RBMS2: variants seen among roughly 807,000 people sequenced by gnomAD.
The protein encoded by RBMS2 is RNA binding motif single stranded interacting protein 2, also known as RNA-binding motif, single-stranded-interacting protein 2.
Under a neutral mutation model 58.4 loss-of-function variants are expected in RBMS2, and 38 were observed. The ratio of observed to expected loss-of-function variants is 0.65; its 90% CI spans 0.50 to 0.85. The LOEUF is 0.85. Ranked by LOEUF, RBMS2 falls within the 40% of genes least tolerant of loss-of-function variation. RBMS2 has a pLI of 0.00. For synonymous variants in RBMS2, 151 were observed against 180.7 expected (o/e 0.84, Z 1.32); for missense variants, 367 against 503.7 (o/e 0.73, Z 2.60).
chr12:56,581,886 T>G lies in RBMS2; in HGVS notation c.779+7T>G. ...CCACAGCTCTTCAGAATGGGTAAGG[T>G]TTTATATAATCAAGCCACCTGAAAA... On this transcript the variant is annotated splice_region_variant and intron_variant, in intron 8 of 13. Coordinates refer to ENST00000262031, the MANE Select transcript of RBMS2 (RefSeq NM_002898.4). 2 of 1,613,800 alleles carry G rather than the reference T, an allele frequency of 1.2e-6. No individual in the cohort carries two copies. The highest frequency in any genetic ancestry group is 1.7e-6 in the Non-Finnish European group (2 of 1,179,736).
intron 1 of RBMS2, among the ~76,000 whole-genome samples, chr12:56,545,867 T>C (rs940326770): frequency 6.6e-6 from 1 of 152,156 alleles, no homozygotes; most frequent in African/African-American, 2.4e-5. Context: ...CTTTGGGCTA[T>C]TATGAATAGT....
chr12:56,521,502 G>GTTTTTTTTTTTTT (rs68129205), upstream of RBMS2, among the ~76,000 whole-genome samples: 115 of 73,156 alleles, frequency 1.6e-3, 10 homozygotes, highest in South Asian at 2.2e-3. Flanking sequence ...CTCTAACTCT[G>GTTTTTTTTTTTTT]TTTTTTTTTT....
upstream of RBMS2, among the ~76,000 whole-genome samples, chr12:56,521,500 C>CTTTTTTTTTTTT (rs1871713749): frequency 1.1e-5 from 1 of 92,472 alleles, no homozygotes; most frequent in Non-Finnish European, 2.1e-5. Context: ...CACTCTAACT[C>CTTTTTTTTTTTT]TGTTTTTTTT....
At chr12:56,525,683 A>G (rs1485939025) in intron 1 of RBMS2, among the ~76,000 whole-genome samples, 9 of 151,402 alleles carry the variant, frequency 5.9e-5, no homozygotes, top group Admixed American at 5.3e-4. Flanking sequence ...TGTTTTCGAG[A>G]CAGAGTCTCG....
chr12:56,569,854 C>T, intron 3 of RBMS2, 45 bp from the exon 4 acceptor site: 1 of 1,511,972 alleles, frequency 6.6e-7, no homozygotes, highest in South Asian at 1.1e-5. Context: ...CCTCTCTGTT[C>T]CTTACACCTC....
rs558748956 is a variant in RBMS2, at chr12:56,528,306, G to A, written c.66+6217G>A. 2.6e-5 allele frequency among the ~76,000 whole-genome samples: 4 copies of A among 152,014 alleles called. No homozygotes were observed. The East Asian group carries it at 7.7e-4, about 29-fold the overall frequency. The stretch of plus-strand genomic sequence containing the variant: ...ATAAAATTATAATGCTGGAAGATGA[G>A]GATTGAAGAATAGTCTTTGAATTTG... On this transcript the variant is annotated intron_variant, in intron 1 of 13. Transcript: ENST00000262031.
chr12:56,540,960 G>A (rs553894895), intron 1 of RBMS2, among the ~76,000 whole-genome samples: 8 of 152,228 alleles, frequency 5.3e-5, no homozygotes, highest in African/African-American at 1.9e-4. Flanking sequence ...TATTAGCCAG[G>A]TGTGGTAGCA....
At chr12:56,525,124 C>CAAGTAGGGCTTACTGTGT (rs2136227804) in intron 1 of RBMS2, among the ~76,000 whole-genome samples, 1 of 152,144 alleles carries the variant, frequency 6.6e-6, no homozygotes, top group African/African-American at 2.4e-5. Context: ...TTTGTCTTGT[C>CAAGTAGGGCTTACTGTGT]AAGTAGGGCT....
intron 12 of RBMS2, 37 bp from the exon 13 acceptor site, chr12:56,588,895 A>C: frequency 1.7e-5 from 26 of 1,572,226 alleles, no homozygotes; most frequent in East Asian, 2.2e-5. Context: ...GAGGAAAGGA[A>C]TGCGCAAGAT....
At position 56,581,749 on chromosome 12, in the gene RBMS2, A is replaced by C. The variant is rs572010262; in HGVS notation, c.733-84A>C. ...CTAGGCTTTAATTTGTTAAACCAAA[A>C]CATTCCCAGCCTTGGACATTCTGGG... On this transcript the variant is annotated intron_variant, in intron 7 of 13. Coordinates refer to ENST00000262031, the MANE Select transcript of RBMS2 (RefSeq NM_002898.4). 5 of 1,507,764 alleles carry C rather than the reference A, an allele frequency of 3.3e-6. No individual in the cohort carries two copies. In the Admixed American group the frequency reaches 9.1e-5, roughly 27 times the overall value. The allele number at this position is 1,507,764 out of a possible 1,614,324, so 93.4% of individuals were successfully genotyped here.
chr12:56,587,203 G>A (rs945374610), intron 10 of RBMS2, among the ~76,000 whole-genome samples: 1 of 151,808 alleles, frequency 6.6e-6, no homozygotes, highest in Non-Finnish European at 1.5e-5. Flanking sequence ...GGAGGCAGAG[G>A]TTGCAGTGAG....
At chr12:56,528,554 T>C (rs1182474830) in intron 1 of RBMS2, among the ~76,000 whole-genome samples, 1 of 152,120 alleles carries the variant, frequency 6.6e-6, no homozygotes, top group East Asian at 1.9e-4. Flanking sequence ...GGCAAGATGC[T>C]TAACATCATT....
At chr12:56,581,535 G>A in intron 7 of RBMS2, 27 bp downstream of exon 7, 1 of 1,584,914 alleles carries the variant, frequency 6.3e-7, no homozygotes, top group Non-Finnish European at 8.7e-7. Context: ...GGAGACAGGA[G>A]TACTAACGAC....
intron 1 of RBMS2, among the ~76,000 whole-genome samples, chr12:56,560,349 C>T (rs983936249): frequency 8.4e-4 from 128 of 151,930 alleles, no homozygotes; most frequent in African/African-American, 2.8e-3. Context: ...CTCTGCCTCC[C>T]GGGTTCACAC....
intron 10 of RBMS2, 94 bp from the exon 11 acceptor site, chr12:56,587,460 G>A (rs1884829644): frequency 1.5e-6 from 2 of 1,299,622 alleles, no homozygotes; most frequent in Admixed American, 5.0e-5. Flanking sequence ...ATTCTTAAAT[G>A]TCTGTCTCCA....
upstream of RBMS2, among the ~76,000 whole-genome samples, chr12:56,521,673 G>A (rs1871741391): frequency 1.3e-5 from 2 of 151,138 alleles, no homozygotes; most frequent in South Asian, 2.1e-4. Context: ...ATTTGAAAGG[G>A]GTTAGACCTA....
chr12:56,574,932 A>C (rs1236928385), intron 5 of RBMS2, among the ~76,000 whole-genome samples: 1 of 151,586 alleles, frequency 6.6e-6, no homozygotes, highest in Admixed American at 6.6e-5. Context: ...GCGGATCATG[A>C]GGTCAGGAGA....
At chr12:56,539,674 A>T in intron 1 of RBMS2, 1 of 451,384 alleles carries the variant, frequency 2.2e-6, no homozygotes, top group South Asian at 1.6e-5. Context: ...CTGTTCTTTT[A>T]TTTTTTTTGA....
In RBMS2 at chr12:56,590,754, A is replaced by T. The variant is rs982981809; in HGVS notation, c.*1621A>T. On this transcript the variant is annotated 3_prime_UTR_variant, in exon 14 of 14. Coordinates refer to ENST00000262031, the MANE Select transcript of RBMS2 (RefSeq NM_002898.4). ...TGAATGCACACATGTACTCAGAGGG[A>T]TTCAGGTGGGCATTGTTCTGGTGTG... The T allele has an allele frequency of 6.6e-6, 1 of 152,218 alleles. No individual in the cohort carries two copies. Among genetic ancestry groups the T allele is most frequent in the African/African-American group, 2.4e-5 (1 of 41,422 alleles). 9.4% of individuals were successfully genotyped at this position (152,218 alleles called of 1,614,324 possible). A position where few individuals can be genotyped will look rare whatever the true frequency, so the allele number is the denominator to read the frequency against.
Sources: gnomAD v4.1 joint callset for allele counts (sites outside exome capture counted in the v4.1 genomes callset) on GRCh38, gnomAD v4.1.1 for gene constraint, MANE v1.5 for transcripts, NCBI Gene and HGNC (gene_info 2026-07-23, HGNC 2026-07-21) for gene names.